Variants in ANKRD17 observed in about 807,000 individuals in gnomAD.
ANKRD17 encodes ankyrin repeat domain-containing protein 17.
ANKRD17 carries 19 observed loss-of-function variants against 229.7 expected under a neutral mutation model. The ratio of observed to expected loss-of-function variants is 0.08; its 90% CI spans 0.06 to 0.12. The LOEUF (loss-of-function observed/expected upper bound fraction) is 0.12. Among genes scored for constraint, ANKRD17 ranks in the 10% least tolerant of loss-of-function variants. ANKRD17 has a pLI of 1.00. For missense variants in ANKRD17, 2,176 were observed against 3,176.8 expected (o/e 0.68, Z 7.57); for synonymous variants, 1,112 against 1,146.1 (o/e 0.97, Z 0.60).
At chr4:73,239,596 G>A (rs1305568138) in intron 1 of ANKRD17, among the ~76,000 whole-genome samples, 1 of 152,110 alleles carries the variant, frequency 6.6e-6, no homozygotes, top group Non-Finnish European at 1.5e-5. Context: ...GTATATGTGT[G>A]AAAATGCACA....
rs202134315 is a variant in ANKRD17 at position 73,177,565 on chromosome 4, G to C, written c.394-32C>G. ...AACAAATGCAAAAAGAGGGAGGAAG[G>C]GAGAAATGAACAGCGAAAGGAAAAG... On this transcript the variant is annotated intron_variant, in intron 1 of 33. Coordinates refer to ENST00000358602, the MANE Select transcript of ANKRD17 (RefSeq NM_032217.5). The C allele has an allele frequency of 3.9e-6, 6 of 1,554,854 alleles. No homozygotes were observed. The East Asian group carries it at 1.4e-4, about 35-fold the overall frequency.
intron 1 of ANKRD17, among the ~76,000 whole-genome samples, chr4:73,245,190 A>G (rs1181684718): frequency 6.7e-6 from 1 of 150,228 alleles, no homozygotes; most frequent in African/African-American, 2.4e-5. Flanking sequence ...AGATCAAGTT[A>G]AGAGTGTTGC....
chr4:73,102,670 T>C (rs1724151793), intron 24 of ANKRD17, 123 bp from the exon 25 acceptor site: 1 of 1,115,104 alleles, frequency 9.0e-7, no homozygotes, highest in Admixed American at 2.6e-5. Context: ...TCTAGTTCAA[T>C]TCATTGTTTT....
intron 29 of ANKRD17, among the ~76,000 whole-genome samples, chr4:73,086,440 T>C (rs920894214): frequency 1.3e-5 from 2 of 152,168 alleles, no homozygotes; most frequent in Non-Finnish European, 2.9e-5. Flanking sequence ...TCTTTTTCTC[T>C]CTTACAGGTA....
rs1354022040 is a variant in ANKRD17, at chr4:73,090,866, A to G, written c.6762T>C (p.Phe2254=). ...TAGGGCTGTTTTCAAACAATGTGCT[A>G]AAGGGCCCAAATGGTAAGGGGGCAC... ...NFSAPLPFGP[F]STLFENSPTS... Residue 2254 remains phenylalanine (F), a synonymous_variant, in exon 29 of 34, where the codon TTT becomes TTC. Transcript: ENST00000358602. 6.2e-6 allele frequency: 10 copies of G among 1,614,248 alleles called. No homozygotes were observed. The Admixed American group carries it at 1.7e-4, about 27-fold the overall frequency.
intron 1 of ANKRD17, among the ~76,000 whole-genome samples, chr4:73,228,897 T>C (rs1742771638): frequency 6.6e-6 from 1 of 152,098 alleles, no homozygotes; most frequent in African/African-American, 2.4e-5. Context: ...TGTCCAACAA[T>C]GATAGACTGG....
At chr4:73,110,794 A>G (rs182889174) in intron 24 of ANKRD17, among the ~76,000 whole-genome samples, 96 of 152,366 alleles carry the variant, frequency 6.3e-4, no homozygotes, top group African/African-American at 2.1e-3. Flanking sequence ...ACTCAAAACT[A>G]TACATAAAAG....
At chr4:73,082,318 CATAAAA>C (rs895991751) in intron 30 of ANKRD17, among the ~76,000 whole-genome samples, 1 of 151,512 alleles carries the variant, frequency 6.6e-6, no homozygotes, top group African/African-American at 2.4e-5. Flanking sequence ...AAAATAAATA[CATAAAA>C]ATAAAATAAA....
chr4:73,097,201 A>G lies in ANKRD17; in HGVS notation c.5093T>C (p.Leu1698Pro). The change falls in exon 27 of 34, where the codon CTT becomes CCT. Residue 1698 changes from leucine (L) to proline (P), a missense_variant. Around this residue, in one of 18 missense-constraint regions of ANKRD17, gnomAD observed 98 missense variants for 101.0 expected, o/e 0.97. Coordinates refer to ENST00000358602, the MANE Select transcript of ANKRD17 (RefSeq NM_032217.5). Reference protein sequence around the residue: ...STCTKSGPSPLSSPNGKLTVA... With the variant: ...STCTKSGPSPPSSPNGKLTVA... ...TGTTAACTTCCCATTTGGAGAAGAA[A>G]GGGGAGATGGACCAGATTTTGTACA... The G allele has an allele frequency of 1.2e-6, 2 of 1,612,814 alleles. No individual in the cohort carries two copies. Among genetic ancestry groups the G allele is most frequent in the Non-Finnish European group, 1.7e-6 (2 of 1,179,478 alleles).
In ANKRD17 at chr4:73,076,028, T is replaced by C; in HGVS notation, c.*203A>G. On this transcript the variant is annotated 3_prime_UTR_variant, in exon 34 of 34. Coordinates refer to ENST00000358602, the MANE Select transcript of ANKRD17 (RefSeq NM_032217.5). Reference sequence around the variant, plus strand: ...GAAAAATGATAAGAAAAATGCTAACTAAGGTAAAACGGATGATGATGGGGA... The same window carrying C: ...GAAAAATGATAAGAAAAATGCTAACCAAGGTAAAACGGATGATGATGGGGA... 1 of 439,344 alleles carries C rather than the reference T, an allele frequency of 2.3e-6. No homozygotes were observed. Among genetic ancestry groups the C allele is most frequent in the East Asian group, 3.6e-5 (1 of 27,832 alleles). The allele number at this position is 439,344 out of a possible 1,614,324, so 27.2% of individuals were successfully genotyped here. A position where few individuals can be genotyped will look rare whatever the true frequency, so the allele number is the denominator to read the frequency against.
At chr4:73,093,960 T>A (rs904134786) in intron 28 of ANKRD17, 119 bp downstream of exon 28, 6 of 933,338 alleles carry the variant, frequency 6.4e-6, no homozygotes, top group Non-Finnish European at 9.4e-6. Context: ...CTAATAAAAT[T>A]CCCATTTTAA....
At chr4:73,220,719 T>C (rs1282091705) in intron 1 of ANKRD17, among the ~76,000 whole-genome samples, 1 of 152,132 alleles carries the variant, frequency 6.6e-6, no homozygotes, top group Admixed American at 6.5e-5. Context: ...CTAATATTTA[T>C]TCAATGCAAA....
At position 73,085,445 on chromosome 4, in the gene ANKRD17, A is replaced by G; in HGVS notation, c.6963T>C (p.Gly2321=). 6.2e-7 allele frequency: 1 copy of G among 1,611,804 alleles called. No individual in the cohort carries two copies. Among genetic ancestry groups the G allele is most frequent in the Non-Finnish European group, 8.5e-7 (1 of 1,177,956 alleles). ...PLQRPAPSPS[G]IVNMDSPYGS... is the part of the protein sequence containing the mutation. ...CATATGGCGAGTCCATATTGACAAT[A>G]CCTATAATGTAGAAGGTCATCATAA... Residue 2321 remains glycine, a splice_region_variant and synonymous_variant, in exon 30 of 34, where the codon GGT becomes GGC. Transcript: ENST00000358602.
intron 14 of ANKRD17, 109 bp from the exon 15 acceptor site, chr4:73,140,392 A>G (rs930952743): frequency 6.3e-6 from 7 of 1,119,550 alleles, no homozygotes; most frequent in African/African-American, 3.2e-5. Flanking sequence ...AATCATATCC[A>G]TAACAGGTGA....
chr4:73,139,385 C>T (rs1729327838), intron 15 of ANKRD17, 146 bp downstream of exon 15: 1 of 913,792 alleles, frequency 1.1e-6, no homozygotes, highest in African/African-American at 1.7e-5. Context: ...CTGAGAACTT[C>T]TGAGATTGAA....
rs910694033 is a variant in ANKRD17 at position 73,077,041 on chromosome 4, C to T, written c.7651G>A (p.Ala2551Thr). ...GGGCCATTAAATATGGGTCCTCCAG[C>T]ACCATCAGGGATAGGTGCTACTGGA... Reference protein sequence around the residue: ...IPPVAPIPDGAGGPIFNGPHA... With the variant: ...IPPVAPIPDGTGGPIFNGPHA... The change falls in exon 33 of 34, where the codon GCT becomes ACT. Residue 2551 changes from alanine to threonine, a missense_variant. Physicochemically the swap from Ala to Thr is moderately conservative, Grantham distance 58 (BLOSUM62 0). Around this residue, in one of 18 missense-constraint regions of ANKRD17, gnomAD observed 159 missense variants for 214.3 expected, o/e 0.74. Coordinates refer to ENST00000358602, the MANE Select transcript of ANKRD17 (RefSeq NM_032217.5). The T allele has an allele frequency of 1.2e-6, 2 of 1,613,552 alleles. No individual in the cohort carries two copies. The highest frequency in any genetic ancestry group is 1.7e-6 in the Non-Finnish European group (2 of 1,179,834).
rs1278675906 is a variant in ANKRD17 at position 73,212,231 on chromosome 4, T to G, written c.394-34698A>C. ...TGTTCTAAGTACAATGTTGAGTCAC[T>G]GAAGATACCAACAACAAAGCTATTC... On this transcript the variant is annotated intron_variant, in intron 1 of 33. Transcript: ENST00000358602. Among the ~76,000 whole-genome samples the G allele has an allele frequency of 3.3e-5, 5 of 149,906 alleles. No individual in the cohort carries two copies. In the East Asian group the frequency reaches 9.6e-4, roughly 29 times the overall value.
intron 3 of ANKRD17, among the ~76,000 whole-genome samples, chr4:73,159,678 G>C (rs1317012716): frequency 6.6e-6 from 1 of 152,032 alleles, no homozygotes; most frequent in Non-Finnish European, 1.5e-5. Flanking sequence ...ACTGGTTTTA[G>C]TATACCCTTC....
chr4:73,228,266 T>C (rs1742699654), intron 1 of ANKRD17, among the ~76,000 whole-genome samples: 1 of 152,172 alleles, frequency 6.6e-6, no homozygotes, highest in Admixed American at 6.5e-5. Context: ...TGAAAGTCCA[T>C]ACATTATTAA....
Sources: allele counts gnomAD v4.1 joint callset (sites outside exome capture counted in the v4.1 genomes callset), GRCh38; gene constraint gnomAD v4.1.1; regional missense constraint gnomAD v4.1.1; transcripts MANE v1.5; gene names NCBI Gene and HGNC (gene_info 2026-07-23, HGNC 2026-07-21).